Variants in KLF8 observed in about 807,000 individuals in gnomAD.
KLF8 encodes the protein KLF transcription factor 8.
Under a neutral mutation model 18.2 loss-of-function variants are expected in KLF8, and 10 were observed. The ratio of observed to expected loss-of-function variants is 0.55; its 90% CI spans 0.34 to 0.93. The LOEUF (loss-of-function observed/expected upper bound fraction) is 0.93, where lower values mean the gene tolerates loss of function less well. Ranked by LOEUF, KLF8 falls within the 40% of genes least tolerant of loss-of-function variation. The pLI, the probability that KLF8 is intolerant of heterozygous loss-of-function variation, is 0.02. For missense variants in KLF8, 264 were observed against 277.9 expected (o/e 0.95, Z 0.36); for synonymous variants, 109 against 97.3 (o/e 1.12, Z -0.71).
chrX:56,127,820 A>C, the KLF8 span, among the ~76,000 whole-genome samples: 1 of 112,447 alleles, frequency 8.9e-6, no homozygotes, highest in Non-Finnish European at 1.9e-5. Flanking sequence ...TGCTAAAGCA[A>C]ACAATAAATT....
the KLF8 span, among the ~76,000 whole-genome samples, chrX:56,013,453 A>G: frequency 9.0e-6 from 1 of 111,713 alleles, no homozygotes; most frequent in East Asian, 2.8e-4. Flanking sequence ...ACTGTTGGAA[A>G]TACATGGTTG....
At chrX:55,946,435 G>T in the KLF8 span, among the ~76,000 whole-genome samples, 1 of 111,902 alleles carries the variant, frequency 8.9e-6, no homozygotes, top group Non-Finnish European at 1.9e-5. Context: ...CTAGCCATAT[G>T]TGGAAAGCTG....
chrX:56,248,291 T>C (rs1010101663), intron 1 of KLF8, among the ~76,000 whole-genome samples: 2 of 101,851 alleles, frequency 2.0e-5, no homozygotes, highest in African/African-American at 4.4e-5. Flanking sequence ...ACGTGTACCC[T>C]AGAACTTAAA....
At chrX:56,082,176 C>A in the KLF8 span, among the ~76,000 whole-genome samples, 1 of 111,924 alleles carries the variant, frequency 8.9e-6, no homozygotes, top group Non-Finnish European at 1.9e-5. Flanking sequence ...GTGATCTAGT[C>A]TTGACAGGTT....
chrX:55,992,799 G>A, the KLF8 span, among the ~76,000 whole-genome samples: 5 of 111,427 alleles, frequency 4.5e-5, no homozygotes, highest in Non-Finnish European at 9.4e-5. Context: ...AGTTCTCATT[G>A]TAGAGATCTT....
the KLF8 span, among the ~76,000 whole-genome samples, chrX:56,171,788 T>A: frequency 9.8e-5 from 11 of 111,988 alleles, no homozygotes; most frequent in African/African-American, 3.6e-4. Flanking sequence ...GACATTTGGG[T>A]TGGCTACAAG....
At chrX:56,123,538 T>G in the KLF8 span, among the ~76,000 whole-genome samples, 1 of 111,588 alleles carries the variant, frequency 9.0e-6, no homozygotes, top group Non-Finnish European at 1.9e-5. Context: ...CTAAGAAGAG[T>G]GGTGAGGTTT....
chrX:56,089,918 A>T, the KLF8 span, among the ~76,000 whole-genome samples: 1 of 112,329 alleles, frequency 8.9e-6, no homozygotes, highest in Admixed American at 9.4e-5. Context: ...AGTATGCTGA[A>T]ATATGCCAAG....
chrX:56,207,165 C>A, the KLF8 span, among the ~76,000 whole-genome samples: 26 of 112,462 alleles, frequency 2.3e-4, 1 homozygote, highest in African/African-American at 8.4e-4. Context: ...GGCCTCCAGG[C>A]CTGTGATGGG....
the KLF8 span, among the ~76,000 whole-genome samples, chrX:56,189,336 A>G: frequency 0.045 from 5,082 of 111,904 alleles, 298 homozygotes; most frequent in African/African-American, 0.16. Context: ...ATCTCACACC[A>G]GTTAGAATGG....
At chrX:56,161,236 G>T in the KLF8 span, among the ~76,000 whole-genome samples, 2 of 111,638 alleles carry the variant, frequency 1.8e-5, no homozygotes, top group Non-Finnish European at 3.8e-5. Context: ...CTTCTCACTT[G>T]CAGCATTTCT....
Position 56,286,765 on chromosome X carries a change from C to T in KLF8, c.*2271C>T, listed in dbSNP as rs189118273. The T allele has an allele frequency of 9.8e-5, 11 of 111,968 alleles. No homozygotes were observed. Among genetic ancestry groups the T allele is most frequent in the Admixed American group, 4.7e-4 (5 of 10,544 alleles). The allele number at this position is 111,968 out of a possible 1,213,427, so 9.2% of individuals were successfully genotyped here. ...GTTTTTACTGTTATCATTGTTATTTCGATAGGGCTTTTTCCTGATTTTGGG... is the reference window on the plus strand; with the variant it reads ...GTTTTTACTGTTATCATTGTTATTTTGATAGGGCTTTTTCCTGATTTTGGG... On this transcript the variant is annotated 3_prime_UTR_variant, in exon 6 of 6. Coordinates refer to ENST00000468660, the MANE Select transcript of KLF8 (RefSeq NM_007250.5).
the KLF8 span, among the ~76,000 whole-genome samples, chrX:56,184,165 A>G: frequency 1.3e-4 from 15 of 112,256 alleles, no homozygotes; most frequent in Non-Finnish European, 3.8e-5. Flanking sequence ...GGTCACTCCC[A>G]CCCTAACACT....
At chrX:56,139,730 G>A in the KLF8 span, among the ~76,000 whole-genome samples, 1 of 111,693 alleles carries the variant, frequency 9.0e-6, no homozygotes, top group African/African-American at 3.3e-5. Context: ...AAAATTTCAT[G>A]ACAAAGATTC....
chrX:56,057,764 G>A, the KLF8 span, among the ~76,000 whole-genome samples: 2 of 110,775 alleles, frequency 1.8e-5, no homozygotes, highest in African/African-American at 3.3e-5. Context: ...GTCTCCTATG[G>A]GAGCAAGTCA....
the KLF8 span, among the ~76,000 whole-genome samples, chrX:55,933,495 A>T: frequency 8.9e-6 from 1 of 112,571 alleles, no homozygotes; most frequent in Non-Finnish European, 1.9e-5. Flanking sequence ...ATGATCAGTT[A>T]TTAAACAACC....
chrX:56,183,216 G>A, the KLF8 span, among the ~76,000 whole-genome samples: 2 of 111,670 alleles, frequency 1.8e-5, no homozygotes, highest in Non-Finnish European at 3.8e-5. Context: ...GTTCGATCTT[G>A]GACTGCTGTA....
At chrX:55,916,491 T>C in the KLF8 span, among the ~76,000 whole-genome samples, 1 of 111,702 alleles carries the variant, frequency 9.0e-6, no homozygotes, top group East Asian at 2.8e-4. Context: ...TCCAATTTTC[T>C]TTTTGCACTT....
chrX:55,924,106 G>C, the KLF8 span, among the ~76,000 whole-genome samples: 13 of 111,238 alleles, frequency 1.2e-4, no homozygotes, highest in African/African-American at 3.9e-4. Flanking sequence ...GTCTCGCTCT[G>C]TCGCCCAGGC....
Sources: gnomAD v4.1 joint callset for allele counts (sites outside exome capture counted in the v4.1 genomes callset) on GRCh38, gnomAD v4.1.1 for gene constraint, MANE v1.5 for transcripts, NCBI Gene and HGNC (gene_info 2026-07-23, HGNC 2026-07-21) for gene names.